RBFOX1: variants seen among roughly 807,000 people sequenced by gnomAD.
The protein encoded by RBFOX1 is RNA binding fox-1 homolog 1, also known as RNA binding protein fox-1 homolog 1.
Under a neutral mutation model 57.7 loss-of-function variants are expected in RBFOX1, and 8 were observed. The observed-to-expected ratio is 0.14, with a 90% CI of 0.08 to 0.25. The LOEUF (loss-of-function observed/expected upper bound fraction) is 0.25, where lower values mean the gene tolerates loss of function less well. RBFOX1 is among the 10% of genes least tolerant of loss of function. The probability of loss-of-function intolerance (pLI) is 1.00; values close to 1 mark genes in which losing one functional copy is unlikely to be tolerated. For missense variants in RBFOX1, 611 were observed against 548.5 expected (o/e 1.11, Z -1.14); for synonymous variants, 326 against 222.4 (o/e 1.47, Z -4.15).
At chr16:7,036,387 C>T (rs2044432258) in intron 3 of RBFOX1, among the ~76,000 whole-genome samples, 1 of 152,068 alleles carries the variant, frequency 6.6e-6, no homozygotes. Context: ...TGCAGATCCC[C>T]AGATAGGGTT....
chr16:6,948,807 G>C (rs1375174175), intron 3 of RBFOX1, among the ~76,000 whole-genome samples: 2 of 152,084 alleles, frequency 1.3e-5, no homozygotes, highest in Admixed American at 6.5e-5. Context: ...GATAATTTTA[G>C]CCTAAATCCT....
chr16:6,566,527 A>G (rs572566893), intron 2 of RBFOX1, among the ~76,000 whole-genome samples: 1 of 152,298 alleles, frequency 6.6e-6, no homozygotes, highest in South Asian at 2.1e-4. Flanking sequence ...ATCTGGTTTC[A>G]AACCATAGGC....
chr16:6,101,123 G>A (rs984326504), intron 1 of RBFOX1, among the ~76,000 whole-genome samples: 1 of 152,128 alleles, frequency 6.6e-6, no homozygotes, highest in African/African-American at 2.4e-5. Context: ...TGTAAAATGG[G>A]TATAATACTG....
intron 1 of RBFOX1, among the ~76,000 whole-genome samples, chr16:6,184,726 A>AT (rs67673371): frequency 0.16 from 23,901 of 145,554 alleles, 2,036 homozygotes; most frequent in East Asian, 0.3. Flanking sequence ...TGCCTGGCTC[A>AT]TTTTTTTTTT....
At chr16:5,910,391 C>G (rs990301953) in intron 4 of RBFOX1, among the ~76,000 whole-genome samples, 1 of 152,190 alleles carries the variant, frequency 6.6e-6, no homozygotes, top group African/African-American at 2.4e-5. Context: ...AAGAATGTCC[C>G]TTCTTCAGCT....
At chr16:5,854,883 C>A (rs1295464600) in intron 3 of RBFOX1, among the ~76,000 whole-genome samples, 1 of 152,178 alleles carries the variant, frequency 6.6e-6, no homozygotes, top group African/African-American at 2.4e-5. Flanking sequence ...TCCTCACCAA[C>A]ACTTGCTATC....
chr16:6,430,967 GAAAAAA>G (rs59044318), intron 2 of RBFOX1, among the ~76,000 whole-genome samples: 1 of 90,508 alleles, frequency 1.1e-5, no homozygotes, highest in Non-Finnish European at 2.2e-5. Flanking sequence ...CTCATCTCCA[GAAAAAA>G]AAAAAAAAAA....
chr16:7,512,721 G>C (rs1473815194), intron 4 of RBFOX1, among the ~76,000 whole-genome samples: 1 of 152,228 alleles, frequency 6.6e-6, no homozygotes, highest in Non-Finnish European at 1.5e-5. Context: ...GGTGCCCCCA[G>C]CTGGCCCTTG....
chr16:6,708,773 G>C (rs950659212), intron 3 of RBFOX1, among the ~76,000 whole-genome samples: 1 of 152,172 alleles, frequency 6.6e-6, no homozygotes, highest in Non-Finnish European at 1.5e-5. Flanking sequence ...CTGTGGGGAA[G>C]GTGTTCATTT....
intron 1 of RBFOX1, among the ~76,000 whole-genome samples, chr16:6,215,354 G>A (rs985472447): frequency 6.9e-6 from 1 of 144,960 alleles, no homozygotes; most frequent in Non-Finnish European, 1.5e-5. Context: ...AAGGGAGAGG[G>A]ACAGGGAGAG....
At chr16:7,250,570 AAG>A (rs2094466729) in intron 4 of RBFOX1, among the ~76,000 whole-genome samples, 1 of 152,234 alleles carries the variant, frequency 6.6e-6, no homozygotes, top group Non-Finnish European at 1.5e-5. Context: ...CCTGAAGGCA[AAG>A]ACTAAGAGTA....
intron 4 of RBFOX1, among the ~76,000 whole-genome samples, chr16:6,011,694 G>A (rs1168791406): frequency 6.6e-6 from 1 of 152,182 alleles, no homozygotes; most frequent in Non-Finnish European, 1.5e-5. Flanking sequence ...GCAGCAGTAT[G>A]AAGCTTGCAT....
intron 4 of RBFOX1, among the ~76,000 whole-genome samples, chr16:6,001,596 C>T (rs934127249): frequency 5.3e-5 from 8 of 152,108 alleles, no homozygotes; most frequent in Non-Finnish European, 8.8e-5. Flanking sequence ...ATTTTAGATA[C>T]TACAGAGACA....
chr16:6,586,230 G>C (rs150007388), intron 2 of RBFOX1, among the ~76,000 whole-genome samples: 2 of 152,182 alleles, frequency 1.3e-5, no homozygotes, highest in Non-Finnish European at 2.9e-5. Flanking sequence ...AATTTGCTCA[G>C]ATAGGTAGGT....
intron 3 of RBFOX1, among the ~76,000 whole-genome samples, chr16:5,769,015 A>G (rs2053886878): frequency 1.3e-5 from 2 of 152,134 alleles, no homozygotes; most frequent in Non-Finnish European, 2.9e-5. Context: ...AGTGAGTGTC[A>G]AACAATTTTG....
chr16:7,006,980 C>T (rs975894957), intron 3 of RBFOX1, among the ~76,000 whole-genome samples: 1 of 152,172 alleles, frequency 6.6e-6, no homozygotes, highest in African/African-American at 2.4e-5. Flanking sequence ...AAGTACCACA[C>T]ATTTGGCACC....
intron 3 of RBFOX1, among the ~76,000 whole-genome samples, chr16:7,050,316 A>G (rs1185994729): frequency 3.7e-5 from 4 of 107,052 alleles, no homozygotes; most frequent in African/African-American, 1.1e-4. Context: ...CCCAGGATGG[A>G]GTATAATGGT....
At chr16:5,364,686 G>C (rs2065657392) in intron 1 of RBFOX1, among the ~76,000 whole-genome samples, 1 of 152,106 alleles carries the variant, frequency 6.6e-6, no homozygotes, top group Non-Finnish European at 1.5e-5. Flanking sequence ...GAAAACCCTG[G>C]GTACCTGCTT....
chr16:6,496,503 G>C (rs150821268), intron 2 of RBFOX1, among the ~76,000 whole-genome samples: 135 of 152,228 alleles, frequency 8.9e-4, no homozygotes, highest in African/African-American at 3.0e-3. Flanking sequence ...AATCAGACGG[G>C]AATCAATTTT....
Sources: allele counts gnomAD v4.1 joint callset (sites outside exome capture counted in the v4.1 genomes callset), GRCh38; gene constraint gnomAD v4.1.1; transcripts MANE v1.5; gene names NCBI Gene and HGNC (gene_info 2026-07-23, HGNC 2026-07-21).